Variants in CSMD1 observed in about 807,000 individuals in gnomAD.
CSMD1 encodes the protein CUB and Sushi multiple domains 1.
A neutral mutation model predicts 417.5 loss-of-function variants in CSMD1; 213 were observed. The observed-to-expected ratio is 0.51, with a 90% CI of 0.46 to 0.57. The LOEUF (loss-of-function observed/expected upper bound fraction) is 0.57. Among genes scored for constraint, CSMD1 ranks in the 20% least tolerant of loss-of-function variants. The pLI is 0.00. For missense variants in CSMD1, 6,923 were observed against 4,529.7 expected, an observed-to-expected ratio of 1.53 and a Z score of -15.17; for synonymous variants, 2,862 against 1,736.8, an observed-to-expected ratio of 1.65 and a Z score of -16.11.
intron 2 of CSMD1, among the ~76,000 whole-genome samples, chr8:4,513,656 G>C (rs1490182522): frequency 6.6e-6 from 1 of 152,206 alleles, no homozygotes; most frequent in African/African-American, 2.4e-5. Context: ...AGAGTTCTTT[G>C]CACTTGTACT....
chr8:3,348,829 T>A (rs1191182804), intron 21 of CSMD1, among the ~76,000 whole-genome samples: 3 of 152,188 alleles, frequency 2.0e-5, no homozygotes, highest in Non-Finnish European at 4.4e-5. Flanking sequence ...AAAGTGAAAA[T>A]ACATACAACT....
intron 1 of CSMD1, among the ~76,000 whole-genome samples, chr8:4,846,520 C>T (rs1297120633): frequency 1.3e-5 from 2 of 152,204 alleles, no homozygotes; most frequent in Admixed American, 1.3e-4. Context: ...ACCGACATTG[C>T]TGTTTTGGTC....
chr8:4,628,941 G>T, intron 2 of CSMD1, among the ~76,000 whole-genome samples: 1 of 152,260 alleles, frequency 6.6e-6, no homozygotes, highest in East Asian at 1.9e-4. Flanking sequence ...CTCTGATACT[G>T]TGTTTATTCT....
intron 10 of CSMD1, among the ~76,000 whole-genome samples, chr8:3,528,929 A>G (rs1366717434): frequency 6.6e-6 from 1 of 152,232 alleles, no homozygotes; most frequent in African/African-American, 2.4e-5. Flanking sequence ...GATAAATAAT[A>G]TAATCCTTAG....
chr8:4,790,224 A>G lies in CSMD1; in HGVS notation c.86-152666T>C, dbSNP rs575666427. ...AGAGCCAAATCTGAGAGCACAACACATTCAAAATAGCCATAAAAAGAATAA... is the reference window on the plus strand; with the variant it reads ...AGAGCCAAATCTGAGAGCACAACACGTTCAAAATAGCCATAAAAAGAATAA... On this transcript the variant is annotated intron_variant, in intron 1 of 69. Coordinates refer to ENST00000635120, the MANE Select transcript of CSMD1 (RefSeq NM_033225.6). 2.6e-5 allele frequency among the ~76,000 whole-genome samples: 4 copies of G among 152,318 alleles called. No homozygotes were observed. In the East Asian group the frequency reaches 7.7e-4, roughly 29 times the overall value.
At position 4,103,033 on chromosome 8, in the gene CSMD1, A is replaced by T. The variant is rs186349560; in HGVS notation, c.416-70934T>A. ...TTTTACTCTTTGACATTGTGAGTTGACTCAGCGGGTCAGAGAATTATGTTA... is the reference window on the plus strand; with the variant it reads ...TTTTACTCTTTGACATTGTGAGTTGTCTCAGCGGGTCAGAGAATTATGTTA... On this transcript the variant is annotated intron_variant, in intron 3 of 69. Transcript: ENST00000635120. Among the ~76,000 whole-genome samples, 396 of 152,256 alleles carry T rather than the reference A, an allele frequency of 2.6e-3. 1 individual carries two copies. The highest frequency in any genetic ancestry group is 4.1e-3 in the Non-Finnish European group (278 of 68,024).
chr8:3,489,379 G>T (rs371285865), intron 11 of CSMD1, among the ~76,000 whole-genome samples: 3 of 152,138 alleles, frequency 2.0e-5, no homozygotes, highest in East Asian at 3.9e-4. Context: ...TTTTAAAACT[G>T]TAACCTGTGC....
At chr8:3,894,455 T>C (rs1056944417) in intron 5 of CSMD1, among the ~76,000 whole-genome samples, 10 of 152,316 alleles carry the variant, frequency 6.6e-5, no homozygotes, top group African/African-American at 2.4e-4. Context: ...GAAAATAATC[T>C]TGAATTATCT....
chr8:3,620,327 G>C (rs2086584), intron 7 of CSMD1, among the ~76,000 whole-genome samples: 81,052 of 151,086 alleles, frequency 0.54, 21,977 homozygotes, highest in Middle Eastern at 0.64. Flanking sequence ...GTCACTTGAA[G>C]CCTCATGAAA....
chr8:3,122,716 G>C (rs1346179633), intron 41 of CSMD1, among the ~76,000 whole-genome samples: 1 of 152,034 alleles, frequency 6.6e-6, no homozygotes, highest in East Asian at 1.9e-4. Context: ...CATGTAAGAA[G>C]TGCCTTTCAC....
intron 2 of CSMD1, among the ~76,000 whole-genome samples, chr8:4,596,337 A>G (rs1056436399): frequency 6.6e-6 from 1 of 152,208 alleles, no homozygotes; most frequent in Non-Finnish European, 1.5e-5. Flanking sequence ...TTCAAAAACG[A>G]AACCTCCTCT....
At chr8:4,153,265 A>G (rs1218078465) in intron 3 of CSMD1, among the ~76,000 whole-genome samples, 3 of 152,210 alleles carry the variant, frequency 2.0e-5, no homozygotes, top group Non-Finnish European at 2.9e-5. Context: ...ATACGGCTAT[A>G]AAGACAGAGT....
At chr8:4,582,280 G>T (rs1169815213) in intron 2 of CSMD1, among the ~76,000 whole-genome samples, 2 of 152,088 alleles carry the variant, frequency 1.3e-5, no homozygotes, top group Non-Finnish European at 2.9e-5. Context: ...ATGATCTTCC[G>T]GCTAAGATAA....
chr8:3,684,596 CTTT>C (rs141663569), intron 7 of CSMD1, among the ~76,000 whole-genome samples: 79 of 127,914 alleles, frequency 6.2e-4, no homozygotes, highest in Admixed American at 1.3e-3. Context: ...CTGATACAGT[CTTT>C]TTTTTTTTTT....
At chr8:4,171,658 T>C (rs540250081) in intron 3 of CSMD1, among the ~76,000 whole-genome samples, 3 of 151,952 alleles carry the variant, frequency 2.0e-5, no homozygotes, top group Admixed American at 6.6e-5. Context: ...TTTTTCCCAA[T>C]GCAGATAAAC....
chr8:3,290,508 T>G (rs562374408), intron 25 of CSMD1, among the ~76,000 whole-genome samples: 16 of 144,604 alleles, frequency 1.1e-4, no homozygotes, highest in South Asian at 2.1e-4. Flanking sequence ...CCTTGAGCAG[T>G]GGTTTGTAGT....
intron 23 of CSMD1, 29 bp downstream of exon 23, chr8:3,343,265 A>C: frequency 6.3e-7 from 1 of 1,597,540 alleles, no homozygotes; most frequent in Non-Finnish European, 8.6e-7. Flanking sequence ...AAATGAAAAA[A>C]GAACGTGATT....
At chr8:4,281,357 C>A (rs559941397) in intron 3 of CSMD1, among the ~76,000 whole-genome samples, 1 of 152,166 alleles carries the variant, frequency 6.6e-6, no homozygotes, top group Non-Finnish European at 1.5e-5. Context: ...AAGATGACGG[C>A]ATAAGGTCTT....
chr8:4,440,729 T>C (rs559495581), intron 2 of CSMD1, among the ~76,000 whole-genome samples: 41 of 152,274 alleles, frequency 2.7e-4, no homozygotes, highest in Middle Eastern at 3.4e-3. Flanking sequence ...GGTGTGGTGG[T>C]TCATGCCTAT....
Sources: allele counts gnomAD v4.1 joint callset (sites outside exome capture counted in the v4.1 genomes callset), GRCh38; gene constraint gnomAD v4.1.1; transcripts MANE v1.5; gene names NCBI Gene and HGNC (gene_info 2026-07-23, HGNC 2026-07-21).